The following USP6NL variants were observed in gnomAD, a reference collection of about 807,000 sequenced individuals.
The protein encoded by USP6NL is USP6 N-terminal like, also known as USP6 N-terminal-like protein.
In USP6NL, 26 loss-of-function variants were observed where a neutral mutation model predicts 61.9. The observed-to-expected ratio is 0.42, with a 90% CI of 0.31 to 0.58. The LOEUF is 0.58. Among genes scored for constraint, USP6NL ranks in the 20% least tolerant of loss-of-function variants. USP6NL has a pLI of 0.16. For missense variants in USP6NL, 1,114 were observed against 1,034.3 expected (o/e 1.08, Z -1.06); for synonymous variants, 432 against 390.1 (o/e 1.11, Z -1.27).
At chr10:11,581,963 G>A (rs992117047) in intron 2 of USP6NL, among the ~76,000 whole-genome samples, 4 of 151,706 alleles carry the variant, frequency 2.6e-5, no homozygotes, top group African/African-American at 9.7e-5. Flanking sequence ...TGGTGGTGGT[G>A]GTGGTTGTTG....
chr10:11,577,753 G>A (rs1467111746), intron 2 of USP6NL, among the ~76,000 whole-genome samples: 2 of 151,526 alleles, frequency 1.3e-5, no homozygotes, highest in East Asian at 2.0e-4. Context: ...CGCCTGCCTC[G>A]GCCCCCCAAA....
chr10:11,474,451 GAT>G lies in USP6NL; in HGVS notation c.1078+7317_1078+7318del, dbSNP rs67342000. 7.4e-3 allele frequency among the ~76,000 whole-genome samples: 1,124 copies of G among 152,202 alleles called. 3 individuals carry two copies. Among genetic ancestry groups the G allele is most frequent in the South Asian group, 0.012 (56 of 4,818 alleles). ...AATTTGATACATTGAAAGGAAACTG[GAT>G]ATATTACATTTATAAAGGCAATTAA... On this transcript the variant is annotated intron_variant, in intron 14 of 14. Transcript: ENST00000609104. The surrounding 1 kb of genome is among the most constrained non-coding windows in gnomAD (Gnocchi z 4.9).
chr10:11,539,457 AC>A (rs1465512742), intron 2 of USP6NL, among the ~76,000 whole-genome samples: 1 of 152,256 alleles, frequency 6.6e-6, no homozygotes, highest in Non-Finnish European at 1.5e-5. Flanking sequence ...AGTAACTCCT[AC>A]ATTTATGTGT....
intron 2 of USP6NL, among the ~76,000 whole-genome samples, chr10:11,536,810 A>G (rs186556579): frequency 1.3e-5 from 2 of 152,348 alleles, no homozygotes; most frequent in Non-Finnish European, 2.9e-5. Flanking sequence ...CACAACTTCA[A>G]AAACCCATTT....
rs745357286 is a variant in USP6NL at position 11,463,543 on chromosome 10, C to T, written c.1385G>A (p.Arg462Lys). ...GTTGGCAGCTGCGTGATTATATTGC[C>T]TGGAACTGTCCTGTGGACCCGATGG... ...KLPSGPQDSS[R>K]QYNHAAANQN... is the part of the protein sequence containing the mutation. The change falls in exon 15 of 15, where the codon AGG becomes AAG. Residue 462 changes from arginine to lysine, a missense_variant. Transcript: ENST00000609104. The surrounding 1 kb of genome is among the most constrained non-coding windows in gnomAD (Gnocchi z 6.3). 1 of 1,613,942 alleles carries T rather than the reference C, an allele frequency of 6.2e-7. No homozygotes were observed. The highest frequency in any genetic ancestry group is 1.3e-5 in the African/African-American group (1 of 74,944).
intron 2 of USP6NL, among the ~76,000 whole-genome samples, chr10:11,541,404 A>G (rs1187855086): frequency 6.6e-6 from 1 of 151,506 alleles, no homozygotes; most frequent in East Asian, 1.9e-4. Flanking sequence ...GTCTCCCCAC[A>G]TCAAAACTAC....
intron 2 of USP6NL, 138 bp from the exon 3 acceptor site, chr10:11,527,705 G>A: frequency 2.5e-6 from 2 of 789,154 alleles, no homozygotes; most frequent in South Asian, 3.8e-5. Flanking sequence ...ATAAAAGGAT[G>A]AGTTAAGTAT....
rs763231766 is a variant in USP6NL at position 11,562,712 on chromosome 10, A to C, written c.4+34919T>G. On this transcript the variant is annotated intron_variant, in intron 2 of 14. Transcript: ENST00000609104. The surrounding 1 kb of genome is among the most constrained non-coding windows in gnomAD (Gnocchi z 4.8). ...TGTAACTTGTCTATTTTATCTGCCAAATTTTCACTTGTTTCTTGATCTAAA... is the reference window on the plus strand; with the variant it reads ...TGTAACTTGTCTATTTTATCTGCCACATTTTCACTTGTTTCTTGATCTAAA... 7.2e-5 allele frequency: 71 copies of C among 985,298 alleles called. No individual in the cohort carries two copies. Among genetic ancestry groups the C allele is most frequent in the Non-Finnish European group, 8.1e-5 (67 of 829,928 alleles). The allele number at this position is 985,298 out of a possible 1,614,324, so 61.0% of individuals were successfully genotyped here. A position where few individuals can be genotyped will look rare whatever the true frequency, so the allele number is the denominator to read the frequency against.
chr10:11,533,722 T>C (rs1835738260), intron 2 of USP6NL, among the ~76,000 whole-genome samples: 2 of 152,216 alleles, frequency 1.3e-5, no homozygotes, highest in South Asian at 4.1e-4. Flanking sequence ...CAGAACCCAT[T>C]AAATGATACA....
intron 2 of USP6NL, among the ~76,000 whole-genome samples, chr10:11,570,624 T>G (rs1044164535): frequency 6.6e-6 from 1 of 152,212 alleles, no homozygotes; most frequent in Non-Finnish European, 1.5e-5. Flanking sequence ...ACATACACTG[T>G]TTTTCAAAAG....
At chr10:11,497,093 CTT>C (rs11287847) in intron 7 of USP6NL, among the ~76,000 whole-genome samples, 41,232 of 130,818 alleles carry the variant, frequency 0.32, 6,786 homozygotes, top group East Asian at 0.66. Flanking sequence ...TCTCTTCCAT[CTT>C]TTTTTTTTTT....
intron 2 of USP6NL, among the ~76,000 whole-genome samples, chr10:11,550,907 T>C (rs1169313926): frequency 6.6e-6 from 1 of 150,786 alleles, no homozygotes; most frequent in Non-Finnish European, 1.5e-5. Flanking sequence ...ATTAGAGAAA[T>C]GTAAATTAAA....
chr10:11,525,636 C>T lies in USP6NL; in HGVS notation c.73-168G>A, dbSNP rs1475282800. 6.6e-6 allele frequency among the ~76,000 whole-genome samples: 1 copy of T among 152,120 alleles called. No individual in the cohort carries two copies. The highest frequency in any genetic ancestry group is 1.9e-4 in the East Asian group (1 of 5,200). ...ATTTTTTTTTCCCCTTTAAACCCAA[C>T]TATTTTTGGCAAGATAAACACTATT... On this transcript the variant is annotated intron_variant, in intron 3 of 14. Transcript: ENST00000609104. This position sits in a 1 kb window ranked among gnomAD's most constrained non-coding sequence, Gnocchi z 5.0.
chr10:11,597,836 T>C lies in USP6NL; in HGVS notation c.-83-119A>G. On this transcript the variant is annotated intron_variant, in intron 1 of 14. Transcript: ENST00000609104. The surrounding 1 kb of genome is among the most constrained non-coding windows in gnomAD (Gnocchi z 4.6). ...ATTCTACTATTTCCAAAAAGAACTC[T>C]TGTGATCACCTATTAAATATAAAAG... 1.8e-6 allele frequency: 1 copy of C among 552,080 alleles called. No homozygotes were observed. The highest frequency in any genetic ancestry group is 2.9e-5 in the East Asian group (1 of 34,384). The allele number at this position is 552,080 out of a possible 1,614,324, so 34.2% of individuals were successfully genotyped here. A position where few individuals can be genotyped will look rare whatever the true frequency, so the allele number is the denominator to read the frequency against.
At chr10:11,504,882 A>C (rs1406758046) in intron 6 of USP6NL, among the ~76,000 whole-genome samples, 1 of 152,246 alleles carries the variant, frequency 6.6e-6, no homozygotes, top group East Asian at 1.9e-4. Flanking sequence ...CAGACTCCCC[A>C]GTGAGCCAGA....
intron 2 of USP6NL, among the ~76,000 whole-genome samples, chr10:11,593,010 G>A (rs1289623677): frequency 1.3e-5 from 2 of 152,136 alleles, no homozygotes; most frequent in African/African-American, 4.8e-5. Context: ...TTCTTCCTCA[G>A]GTGAATGAGA....
At chr10:11,545,961 T>C (rs2133470555) in intron 2 of USP6NL, among the ~76,000 whole-genome samples, 1 of 152,360 alleles carries the variant, frequency 6.6e-6, no homozygotes, top group Admixed American at 6.5e-5. Flanking sequence ...CAAAAGACTT[T>C]AATAAACTTA....
At chr10:11,493,077 T>C in intron 8 of USP6NL, 42 bp downstream of exon 8, 1 of 1,507,192 alleles carries the variant, frequency 6.6e-7, no homozygotes, top group East Asian at 2.4e-5. Flanking sequence ...AAAGACTATT[T>C]ATAAATGCGA....
intron 14 of USP6NL, among the ~76,000 whole-genome samples, chr10:11,473,033 A>G (rs1389744243): frequency 6.6e-6 from 1 of 152,374 alleles, no homozygotes; most frequent in South Asian, 2.1e-4. Flanking sequence ...ATGAATAAAT[A>G]AAAGTGAAAA....
Sources: gnomAD v4.1 joint callset for allele counts (sites outside exome capture counted in the v4.1 genomes callset) on GRCh38, gnomAD v4.1.1 for gene constraint, Gnocchi (gnomAD v3.1) non-coding constraint, MANE v1.5 for transcripts, NCBI Gene and HGNC (gene_info 2026-07-23, HGNC 2026-07-21) for gene names.